PHF24: variants seen among roughly 807,000 people sequenced by gnomAD.
PHF24 encodes Galpha inhibitory interacting protein.
A neutral mutation model predicts 42.6 loss-of-function variants in PHF24; 25 were observed. The ratio of observed to expected loss-of-function variants is 0.59; its 90% CI spans 0.43 to 0.82. The LOEUF (loss-of-function observed/expected upper bound fraction) is 0.82, where lower values mean the gene tolerates loss of function less well. PHF24 is among the 40% of genes least tolerant of loss of function. The pLI, the probability that PHF24 is intolerant of heterozygous loss-of-function variation, is 0.00. For synonymous variants in PHF24, 185 were observed against 204.8 expected, an observed-to-expected ratio of 0.90 and a Z score of 0.83; for missense variants, 470 against 538.1, an observed-to-expected ratio of 0.87 and a Z score of 1.25.
At chr9:34,669,446 G>T in the PHF24 span, among the ~76,000 whole-genome samples, 1 of 151,986 alleles carries the variant, frequency 6.6e-6, no homozygotes, top group Non-Finnish European at 1.5e-5. Context: ...GGCCATGGAG[G>T]ATGAGCAGAG....
chr9:34,783,863 A>G, the PHF24 span, among the ~76,000 whole-genome samples: 1 of 152,320 alleles, frequency 6.6e-6, no homozygotes, highest in Middle Eastern at 3.4e-3. Context: ...TTTTTAATTG[A>G]TGTATAATGT....
At chr9:34,709,924 A>C in the PHF24 span, 5 of 1,614,152 alleles carry the variant, frequency 3.1e-6, no homozygotes, top group East Asian at 1.1e-4. Flanking sequence ...ACAGGGAGCC[A>C]GGGGCTGCTG....
At chr9:34,909,907 G>A in the PHF24 span, among the ~76,000 whole-genome samples, 5 of 152,166 alleles carry the variant, frequency 3.3e-5, no homozygotes, top group African/African-American at 1.2e-4. Flanking sequence ...GATTACAGGC[G>A]TGAGCCACCG....
chr9:34,972,471 C>T (rs1176962979), exon 3 of PHF24: 2 of 1,613,936 alleles, frequency 1.2e-6, no homozygotes, highest in East Asian at 4.5e-5. Flanking sequence ...TCCAAGGAGA[C>T]AGTGCAGCGG....
chr9:34,816,063 T>C, the PHF24 span, among the ~76,000 whole-genome samples: 2 of 151,750 alleles, frequency 1.3e-5, no homozygotes, highest in African/African-American at 2.4e-5. Flanking sequence ...TTATAACTGA[T>C]AAGCTTTTTT....
chr9:34,756,345 C>T, the PHF24 span, among the ~76,000 whole-genome samples: 3 of 152,162 alleles, frequency 2.0e-5, no homozygotes, highest in Admixed American at 2.0e-4. Flanking sequence ...GTGATCCAAC[C>T]ACCTTGGCCT....
the PHF24 span, among the ~76,000 whole-genome samples, chr9:34,937,703 A>G: frequency 6.6e-6 from 1 of 151,804 alleles, no homozygotes; most frequent in South Asian, 2.1e-4. Flanking sequence ...GCCTCGCTTG[A>G]TGTAAAAGGT....
the PHF24 span, among the ~76,000 whole-genome samples, chr9:34,826,371 C>A: frequency 6.6e-6 from 1 of 152,210 alleles, no homozygotes; most frequent in Non-Finnish European, 1.5e-5. Context: ...GCCCTTCCAT[C>A]TATGGCAGGC....
chr9:34,742,282 G>A, the PHF24 span, among the ~76,000 whole-genome samples: 3 of 152,206 alleles, frequency 2.0e-5, no homozygotes, highest in Non-Finnish European at 2.9e-5. Context: ...CTCCCAAAGA[G>A]GTCCCCTCAC....
the PHF24 span, among the ~76,000 whole-genome samples, chr9:34,941,711 C>T: frequency 6.6e-6 from 1 of 152,204 alleles, no homozygotes; most frequent in South Asian, 2.1e-4. Context: ...TGTCTTCTCA[C>T]TGTAACCTTA....
the PHF24 span, chr9:34,894,463 T>G: frequency 2.5e-6 from 1 of 398,508 alleles, no homozygotes; most frequent in South Asian, 1.3e-4. Context: ...AACAGCAGCT[T>G]CCACAACTTC....
the PHF24 span, among the ~76,000 whole-genome samples, chr9:34,712,014 A>G: frequency 2.6e-5 from 4 of 151,476 alleles, no homozygotes; most frequent in African/African-American, 9.7e-5. Flanking sequence ...CTATTAATGA[A>G]CTTCCTAAGT....
At chr9:34,765,698 A>G in the PHF24 span, among the ~76,000 whole-genome samples, 5 of 151,708 alleles carry the variant, frequency 3.3e-5, no homozygotes, top group Non-Finnish European at 5.9e-5. Context: ...TAGCCCATTT[A>G]CATTTAAAGT....
chr9:34,745,375 G>T, the PHF24 span, among the ~76,000 whole-genome samples: 2 of 152,138 alleles, frequency 1.3e-5, no homozygotes, highest in African/African-American at 4.8e-5. Flanking sequence ...TAGGCTAGCT[G>T]CTTCACTGGA....
chr9:34,838,409 A>G, the PHF24 span: 34 of 1,243,122 alleles, frequency 2.7e-5, no homozygotes, highest in South Asian at 3.6e-4. Context: ...TTCACTTGCC[A>G]GATAATTACA....
chr9:34,676,993 A>T, the PHF24 span, among the ~76,000 whole-genome samples: 22 of 152,236 alleles, frequency 1.4e-4, no homozygotes, highest in Non-Finnish European at 3.1e-4. Context: ...TGACGCTTCA[A>T]CATGACATTT....
the PHF24 span, among the ~76,000 whole-genome samples, chr9:34,830,284 T>G: frequency 6.6e-6 from 1 of 152,252 alleles, no homozygotes; most frequent in Non-Finnish European, 1.5e-5. Context: ...TTCTTTGTGC[T>G]GTTTTATTGC....
chr9:34,894,529 A>G, the PHF24 span: 1 of 398,590 alleles, frequency 2.5e-6, no homozygotes, highest in East Asian at 3.6e-5. Flanking sequence ...AGTGAGTGTT[A>G]TGTGGAACTG....
chr9:34,880,762 G>T, the PHF24 span, among the ~76,000 whole-genome samples: 2 of 152,020 alleles, frequency 1.3e-5, no homozygotes, highest in South Asian at 4.2e-4. Context: ...ATAATGGGAG[G>T]CTTTAACACC....
Sources: gnomAD v4.1 joint callset for allele counts (sites outside exome capture counted in the v4.1 genomes callset) on GRCh38, gnomAD v4.1.1 for gene constraint, MANE v1.5 for transcripts, NCBI Gene and HGNC (gene_info 2026-07-23, HGNC 2026-07-21) for gene names.